The following NRXN3 variants were observed in gnomAD, a reference collection of about 807,000 sequenced individuals.
NRXN3 encodes neurexin 3, also known as neurexin III.
In NRXN3, 32 loss-of-function variants were observed where a neutral mutation model predicts 137.6. That is an observed-to-expected ratio of 0.23 (90% CI 0.18 to 0.31). NRXN3 has a LOEUF of 0.31. NRXN3 is among the 10% of genes least tolerant of loss of function. The pLI is 1.00. For synonymous variants in NRXN3, 798 were observed against 784.5 expected (o/e 1.02, Z -0.29); for missense variants, 1,574 against 2,062.5 (o/e 0.76, Z 4.59).
intron 15 of NRXN3, among the ~76,000 whole-genome samples, chr14:79,390,249 G>A (rs1307974798): frequency 3.3e-5 from 5 of 151,250 alleles, no homozygotes; most frequent in Non-Finnish European, 5.9e-5. Flanking sequence ...CCCAGGAGGT[G>A]GAACTTGCAG....
chr14:79,617,048 C>G (rs1348796411), intron 16 of NRXN3, among the ~76,000 whole-genome samples: 1 of 152,094 alleles, frequency 6.6e-6, no homozygotes, highest in Non-Finnish European at 1.5e-5. Context: ...TGGTGCATTG[C>G]TTAGATCCGT....
rs145852058 is a variant in NRXN3, at chr14:79,840,957, G to A, written c.4094-20385G>A. On this transcript the variant is annotated intron_variant, in intron 20 of 20. Transcript: ENST00000335750. ...AGAGACCCATATTCATTGAGCTTTT[G>A]GAATGACTGGAAAATTTCTCAAAGC... Among the ~76,000 whole-genome samples, 233 of 152,114 alleles carry A rather than the reference G, an allele frequency of 1.5e-3. 1 individual carries two copies. Among genetic ancestry groups the A allele is most frequent in the East Asian group, 3.1e-3 (16 of 5,174 alleles).
rs58861355 is a variant in NRXN3 at position 79,486,913 on chromosome 14, T to TTCTCTCTC, written c.3444+19552_3444+19559dup. On this transcript the variant is annotated intron_variant, in intron 16 of 20. Transcript: ENST00000335750. Reference sequence around the variant, plus strand: ...CCTTCTATTAAACTCTCTTTACAGGTTCTCTCTCTCTCTCTCTCTCTCTCT... The same window carrying TTCTCTCTC: ...CCTTCTATTAAACTCTCTTTACAGGTTCTCTCTCTCTCTCTCTCTCTCTCTCTCTCTCT... Among the ~76,000 whole-genome samples the TTCTCTCTC allele has an allele frequency of 9.0e-3, 1,159 of 128,410 alleles. 16 individuals are homozygous for TTCTCTCTC. Among genetic ancestry groups the TTCTCTCTC allele is most frequent in the East Asian group, 0.032 (113 of 3,522 alleles). The allele number at this position is 128,410 out of a possible 152,430, so 84.2% of individuals were successfully genotyped here.
At chr14:78,720,335 A>G (rs2098453996) in intron 8 of NRXN3, among the ~76,000 whole-genome samples, 1 of 152,236 alleles carries the variant, frequency 6.6e-6, no homozygotes, top group African/African-American at 2.4e-5. Context: ...GCTACTTAAT[A>G]CATAGCTACT....
At chr14:78,709,910 TG>T in intron 7 of NRXN3, 1 of 472,100 alleles carries the variant, frequency 2.1e-6, no homozygotes, top group Non-Finnish European at 3.8e-6. Context: ...GAGCTAAGGA[TG>T]GTTTTACAAG....
intron 15 of NRXN3, among the ~76,000 whole-genome samples, chr14:79,178,088 T>C (rs2062535987): frequency 1.3e-5 from 2 of 152,168 alleles, no homozygotes; most frequent in Non-Finnish European, 2.9e-5. Context: ...GTGTAGTACA[T>C]AGGCATCACT....
chr14:79,288,543 C>A (rs1042175673), intron 15 of NRXN3, among the ~76,000 whole-genome samples: 4 of 152,096 alleles, frequency 2.6e-5, no homozygotes, highest in African/African-American at 9.7e-5. Context: ...GACTATTTTA[C>A]GATTAAAAAC....
At chr14:79,594,917 T>C (rs548775893) in intron 16 of NRXN3, among the ~76,000 whole-genome samples, 1 of 151,782 alleles carries the variant, frequency 6.6e-6, no homozygotes, top group South Asian at 2.1e-4. Context: ...CAAGATAATT[T>C]TACTTCTTAG....
chr14:78,272,523 A>T (rs1164665903), intron 2 of NRXN3, among the ~76,000 whole-genome samples: 1 of 152,204 alleles, frequency 6.6e-6, no homozygotes, highest in Non-Finnish European at 1.5e-5. Context: ...AAGGAACAGA[A>T]TGGGCCCCTC....
At chr14:78,415,372 CACA>C (rs1351713421) in intron 4 of NRXN3, among the ~76,000 whole-genome samples, 3 of 152,268 alleles carry the variant, frequency 2.0e-5, no homozygotes, top group African/African-American at 7.2e-5. Context: ...AACAAACTGT[CACA>C]ACATTTGGCA....
Position 78,551,608 on chromosome 14 carries a change from C to A in NRXN3, c.758-93512C>A, listed in dbSNP as rs182906370. Among the ~76,000 whole-genome samples the A allele has an allele frequency of 1.1e-4, 16 of 150,770 alleles. No homozygotes were observed. The East Asian group carries it at 3.1e-3, about 30-fold the overall frequency. On this transcript the variant is annotated intron_variant, in intron 4 of 20. Coordinates refer to ENST00000335750, the MANE Select transcript of NRXN3 (RefSeq NM_001330195.2). The stretch of plus-strand genomic sequence containing the variant: ...CCCTCTCATTTCCCTTCCTTTATTT[C>A]TTCTCTCATTTCTACTCTTTCCCCC...
intron 15 of NRXN3, among the ~76,000 whole-genome samples, chr14:79,230,559 A>G (rs1455142011): frequency 2.0e-5 from 3 of 152,178 alleles, no homozygotes; most frequent in Admixed American, 6.5e-5. Context: ...CTGGTTTATA[A>G]TTTAAATTCT....
intron 4 of NRXN3, among the ~76,000 whole-genome samples, chr14:78,417,539 G>A (rs1368286428): frequency 3.3e-5 from 5 of 152,186 alleles, no homozygotes; most frequent in Non-Finnish European, 5.9e-5. Context: ...TGGACTGTGA[G>A]CTCCTTGAAG....
intron 8 of NRXN3, among the ~76,000 whole-genome samples, chr14:78,771,692 G>A (rs1438809893): frequency 6.6e-6 from 1 of 152,200 alleles, no homozygotes; most frequent in African/African-American, 2.4e-5. Context: ...AATAGAAAAT[G>A]TGTGTCTCTT....
intron 16 of NRXN3, among the ~76,000 whole-genome samples, chr14:79,617,472 A>G (rs1214308399): frequency 4.6e-5 from 7 of 152,170 alleles, no homozygotes; most frequent in Non-Finnish European, 1.0e-4. Context: ...GCAGTTAAAG[A>G]ATAATACAAA....
chr14:78,763,796 C>A (rs1419562698), intron 8 of NRXN3, among the ~76,000 whole-genome samples: 2 of 152,170 alleles, frequency 1.3e-5, no homozygotes, highest in Admixed American at 6.5e-5. Context: ...GGGATAATAC[C>A]ACCTACCTGG....
chr14:79,284,434 T>A (rs1003895226), intron 15 of NRXN3, among the ~76,000 whole-genome samples: 1 of 145,968 alleles, frequency 6.9e-6, no homozygotes, highest in African/African-American at 2.5e-5. Flanking sequence ...ATTTATAGTT[T>A]AAATGCAGGT....
Position 78,966,348 on chromosome 14 carries a change from T to A in NRXN3, c.2719T>A (p.Phe907Ile). The change falls in exon 12 of 21, where the codon TTC (phenylalanine) becomes ATC (isoleucine). Residue 907 changes from phenylalanine to isoleucine, a missense_variant. Coordinates refer to ENST00000335750, the MANE Select transcript of NRXN3 (RefSeq NM_001330195.2). ...GTTCAAGACCACCTCACCAGATGGCTTCATTCTCTTCAATAGTGGTGATGG... is the reference window on the plus strand; with the variant it reads ...GTTCAAGACCACCTCACCAGATGGCATCATTCTCTTCAATAGTGGTGATGG... ...FQFKTTSPDG[F>I]ILFNSGDGND... 1 of 1,614,190 alleles carries A rather than the reference T, an allele frequency of 6.2e-7. No individual in the cohort carries two copies. The highest frequency in any genetic ancestry group is 8.5e-7 in the Non-Finnish European group (1 of 1,180,030).
At chr14:79,071,260 T>G (rs912533069) in intron 15 of NRXN3, among the ~76,000 whole-genome samples, 1 of 152,068 alleles carries the variant, frequency 6.6e-6, no homozygotes. Flanking sequence ...ATACTTTAAG[T>G]TCTGTGATAC....
Sources: gnomAD v4.1 joint callset for allele counts (sites outside exome capture counted in the v4.1 genomes callset) on GRCh38, gnomAD v4.1.1 for gene constraint, MANE v1.5 for transcripts, NCBI Gene and HGNC (gene_info 2026-07-23, HGNC 2026-07-21) for gene names.